Variants in OR7D4 observed in about 807,000 individuals in gnomAD.
OR7D4 encodes olfactory receptor family 7 subfamily D member 4, also known as olfactory receptor 7D4.
For missense variants in OR7D4, 319 were observed against 377.1 expected, an observed-to-expected ratio of 0.85 and a Z score of 1.27; for synonymous variants, 154 against 158.4, an observed-to-expected ratio of 0.97 and a Z score of 0.21.
rs1034179531 is a variant in OR7D4 at position 9,210,638 on chromosome 19, G to C, written c.*3261C>G. The C allele has an allele frequency of 6.6e-6, 1 of 151,682 alleles. No homozygotes were observed. The highest frequency in any genetic ancestry group is 2.4e-5 in the African/African-American group (1 of 41,144). The allele number at this position is 151,682 out of a possible 1,614,324, so 9.4% of individuals were successfully genotyped here. Reference sequence around the variant, plus strand: ...AACCTATTTTATCTACTTGAATAAAGACAGGCCAAAAGAAAGTACATTTCA... The same window carrying C: ...AACCTATTTTATCTACTTGAATAAACACAGGCCAAAAGAAAGTACATTTCA... On this transcript the variant is annotated 3_prime_UTR_variant, in exon 2 of 2. Coordinates refer to ENST00000641669, the MANE Select transcript of OR7D4 (RefSeq NM_001005191.3).
chr19:9,213,993 G>T lies in OR7D4; in HGVS notation c.845C>A (p.Thr282Asn). Residue 282 changes from threonine (T) to asparagine (N), a missense_variant, in exon 2 of 2, where the codon ACC becomes AAC. Physicochemically the swap from Thr to Asn is moderately conservative, Grantham distance 65. Transcript: ENST00000641669. ...STASVMYAMV[T>N]PMLNPFIYSL... ...GTAGATGAAGGGGTTCAGCATGGGG[G>T]TGACCATGGCGTACATCACTGAGGC... 1 of 1,614,108 alleles carries T rather than the reference G, an allele frequency of 6.2e-7. No individual in the cohort carries two copies. The highest frequency in any genetic ancestry group is 8.5e-7 in the Non-Finnish European group (1 of 1,180,000).
At chr19:9,218,272 C>T (rs1002761752) in intron 1 of OR7D4, among the ~76,000 whole-genome samples, 8 of 151,912 alleles carry the variant, frequency 5.3e-5, no homozygotes, top group African/African-American at 1.9e-4. Context: ...CAGTAAATAA[C>T]ATATTCATAT....
rs2051172157 is a variant in OR7D4, at chr19:9,211,475, A to C, written c.*2424T>G. ...AAAAACATAAATTACCAATGCATAAAATCTCAAATTACAGGCAAGGAGTAT... is the reference window on the plus strand; with the variant it reads ...AAAAACATAAATTACCAATGCATAACATCTCAAATTACAGGCAAGGAGTAT... On this transcript the variant is annotated 3_prime_UTR_variant, in exon 2 of 2. Coordinates refer to ENST00000641669, the MANE Select transcript of OR7D4 (RefSeq NM_001005191.3). 1 of 152,246 alleles carries C rather than the reference A, an allele frequency of 6.6e-6. No homozygotes were observed. The highest frequency in any genetic ancestry group is 6.5e-5 in the Admixed American group (1 of 15,278). 9.4% of individuals were successfully genotyped at this position (152,246 alleles called of 1,614,324 possible).
chr19:9,216,847 C>T (rs145810437), intron 1 of OR7D4, among the ~76,000 whole-genome samples: 7,426 of 152,276 alleles, frequency 0.049, 631 homozygotes, highest in African/African-American at 0.17. Flanking sequence ...CCACCTTGGC[C>T]TCCCAATGTG....
At chr19:9,218,886 G>A (rs912097786) in intron 1 of OR7D4, among the ~76,000 whole-genome samples, 25 of 151,908 alleles carry the variant, frequency 1.6e-4, no homozygotes, top group African/African-American at 3.6e-4. Context: ...TGCCCGCCTC[G>A]GCCTCCCAAA....
chr19:9,213,871 G>T lies in OR7D4; in HGVS notation c.*28C>A. ...CATTTGCCTTAGGGGTACGCAGTGT[G>T]TCCTCTTAGTTCTGAGGCCCTGATT... is the stretch of plus-strand genomic sequence containing the variant. On this transcript the variant is annotated 3_prime_UTR_variant, in exon 2 of 2. Coordinates refer to ENST00000641669, the MANE Select transcript of OR7D4 (RefSeq NM_001005191.3). 1.3e-6 allele frequency: 2 copies of T among 1,524,002 alleles called. No individual in the cohort carries two copies. The highest frequency in any genetic ancestry group is 1.1e-5 in the South Asian group (1 of 88,632). The allele number at this position is 1,524,002 out of a possible 1,614,324, so 94.4% of individuals were successfully genotyped here.
Position 9,212,915 on chromosome 19 carries a change from G to A in OR7D4, c.*984C>T, listed in dbSNP as rs768137570. The A allele has an allele frequency of 7.2e-5, 11 of 152,076 alleles. No individual in the cohort carries two copies. Among genetic ancestry groups the A allele is most frequent in the East Asian group, 3.9e-4 (2 of 5,178 alleles). 9.4% of individuals were successfully genotyped at this position (152,076 alleles called of 1,614,324 possible). On this transcript the variant is annotated 3_prime_UTR_variant, in exon 2 of 2. Transcript: ENST00000641669. ...AGACAGGTGTGAGCCACTGTGCCCC[G>A]AAAATTTTATATCACTGTTTTTATG...
In OR7D4 at chr19:9,211,846, T is replaced by G. The variant is rs2051174925; in HGVS notation, c.*2053A>C. 1 of 150,574 alleles carries G rather than the reference T, an allele frequency of 6.6e-6. No homozygotes were observed. The highest frequency in any genetic ancestry group is 1.5e-5 in the Non-Finnish European group (1 of 67,614). 9.3% of individuals were successfully genotyped at this position (150,574 alleles called of 1,614,324 possible). On this transcript the variant is annotated 3_prime_UTR_variant, in exon 2 of 2. Transcript: ENST00000641669. ...AAGGCCTGCTTCTTCTTTATTTACATGGTTCATTCAATGGATTTGCAGATA... is the reference window on the plus strand; with the variant it reads ...AAGGCCTGCTTCTTCTTTATTTACAGGGTTCATTCAATGGATTTGCAGATA...
At position 9,216,369 on chromosome 19, in the gene OR7D4, G is replaced by A. The variant is rs560258657; in HGVS notation, c.-13-1519C>T. 2.0e-5 allele frequency among the ~76,000 whole-genome samples: 3 copies of A among 152,236 alleles called. No homozygotes were observed. The South Asian group carries it at 6.2e-4, about 32-fold the overall frequency. On this transcript the variant is annotated intron_variant, in intron 1 of 1. Coordinates refer to ENST00000641669, the MANE Select transcript of OR7D4 (RefSeq NM_001005191.3). ...TGACCTGCCTCTGGTTCACTGTGTA[G>A]GGACACAGCCAAACTATGTGAATCC... is the stretch of plus-strand genomic sequence containing the variant.
chr19:9,214,951 C>G, intron 1 of OR7D4, 101 bp from the exon 2 acceptor site: 1 of 631,988 alleles, frequency 1.6e-6, no homozygotes, highest in South Asian at 1.9e-5. Context: ...ATTTGTCACC[C>G]TTCCTGGAGT....
chr19:9,217,725 G>C (rs1160934442), intron 1 of OR7D4, among the ~76,000 whole-genome samples: 1 of 152,116 alleles, frequency 6.6e-6, no homozygotes, highest in Non-Finnish European at 1.5e-5. Flanking sequence ...TTTTAGTAGA[G>C]ACAGGGTTTC....
Position 9,214,663 on chromosome 19 carries a change from TG to T in OR7D4, c.174del (p.Met59CysfsTer24). 2 of 1,613,832 alleles carry T rather than the reference TG, an allele frequency of 1.2e-6. No homozygotes were observed. Among genetic ancestry groups the T allele is most frequent in the Non-Finnish European group, 1.7e-6 (2 of 1,179,930 alleles). On this transcript the variant is annotated frameshift_variant, in exon 2 of 2. Transcript: ENST00000641669. LOFTEE classifies it low-confidence loss of function (END_TRUNC). ...GACAGGTTGGAGAGGAAGAAGTACATGGGGGTGTGGAGGTGGGAGTCAGAGC... is the reference window on the plus strand; with the variant it reads ...GACAGGTTGGAGAGGAAGAAGTACATGGGGTGTGGAGGTGGGAGTCAGAGC... ...AVSSDSHLHT[P>X]MYFFLSNLSF...
chr19:9,213,900 C>G lies in OR7D4; in HGVS notation c.938G>C (p.Ter313SerextTer15). 6.2e-7 allele frequency: 1 copy of G among 1,612,054 alleles called. No individual in the cohort carries two copies. Among genetic ancestry groups the G allele is most frequent in the Non-Finnish European group, 8.5e-7 (1 of 1,178,452 alleles). ...RLLSRADSCP* is the reference protein window; with the variant it reads ...RLLSRADSCPS ...TCTTAGTTCTGAGGCCCTGATTTGT[C>G]ATGGACAAGAGTCGGCCCTGCTGAG... is the stretch of plus-strand genomic sequence containing the variant. The change falls in exon 2 of 2, where the codon TGA (stop) becomes TCA (serine). Residue 313 changes from the stop codon to serine (S), a stop_lost. Transcript: ENST00000641669.
chr19:9,216,220 C>A (rs1049938103), intron 1 of OR7D4, among the ~76,000 whole-genome samples: 1 of 152,212 alleles, frequency 6.6e-6, no homozygotes, highest in South Asian at 2.1e-4. Context: ...ATCATGAACT[C>A]CTGCCTCTGT....
Position 9,211,723 on chromosome 19 carries a change from A to G in OR7D4, c.*2176T>C, listed in dbSNP as rs1246121702. 1.4e-5 allele frequency: 2 copies of G among 147,216 alleles called. No individual in the cohort carries two copies. The highest frequency in any genetic ancestry group is 1.4e-4 in the Admixed American group (2 of 14,610). 9.1% of individuals were successfully genotyped at this position (147,216 alleles called of 1,614,324 possible). On this transcript the variant is annotated 3_prime_UTR_variant, in exon 2 of 2. Transcript: ENST00000641669. The stretch of plus-strand genomic sequence containing the variant: ...GCCGGGCATGGTGGCGTGCGCCTGT[A>G]ATCCCAGCGCCACTGTGCTCTAGCC...
In OR7D4 at chr19:9,214,370, G is replaced by A. The variant is rs1187429205; in HGVS notation, c.468C>T (p.Ser156=). 33 of 1,614,090 alleles carry A rather than the reference G, an allele frequency of 2.0e-5. No homozygotes were observed. The highest frequency in any genetic ancestry group is 2.8e-5 in the Non-Finnish European group (33 of 1,180,018). ...LASWFIIFWF[S]LVHILLMKRL... ...TCTTCATCAGTAGAATATGAACCAGGGAGAACCAGAAAATGATGAACCAAG... is the reference window on the plus strand; with the variant it reads ...TCTTCATCAGTAGAATATGAACCAGAGAGAACCAGAAAATGATGAACCAAG... The change falls in exon 2 of 2, where the codon TCC becomes TCT. Residue 156 remains serine (S), a synonymous_variant. Coordinates refer to ENST00000641669, the MANE Select transcript of OR7D4 (RefSeq NM_001005191.3).
Position 9,212,663 on chromosome 19 carries a change from A to G in OR7D4, c.*1236T>C, listed in dbSNP as rs1249182370. The G allele has an allele frequency of 2.0e-5, 3 of 152,200 alleles. No individual in the cohort carries two copies. Among genetic ancestry groups the G allele is most frequent in the African/African-American group, 7.2e-5 (3 of 41,450 alleles). The allele number at this position is 152,200 out of a possible 1,614,324, so 9.4% of individuals were successfully genotyped here. On this transcript the variant is annotated 3_prime_UTR_variant, in exon 2 of 2. Transcript: ENST00000641669. The stretch of plus-strand genomic sequence containing the variant: ...ATAGCATGTCAGACTCATTCTGGCC[A>G]GTATATTACTAGGAACCATTTGACC...
intron 1 of OR7D4, among the ~76,000 whole-genome samples, chr19:9,218,686 G>T (rs2051235303): frequency 6.6e-6 from 1 of 152,164 alleles, no homozygotes; most frequent in African/African-American, 2.4e-5. Flanking sequence ...CTGGAGTGCG[G>T]GGTGCAGTCT....
Position 9,212,534 on chromosome 19 carries a change from T to G in OR7D4, c.*1365A>C, listed in dbSNP as rs1237595880. On this transcript the variant is annotated 3_prime_UTR_variant, in exon 2 of 2. Coordinates refer to ENST00000641669, the MANE Select transcript of OR7D4 (RefSeq NM_001005191.3). ...CGGAAATCAAGAGTTGGAACAAGAT[T>G]GGCCCTGCCTAACATCACCTGTAGT... is the stretch of plus-strand genomic sequence containing the variant. 1 of 152,176 alleles carries G rather than the reference T, an allele frequency of 6.6e-6. No individual in the cohort carries two copies. The highest frequency in any genetic ancestry group is 2.4e-5 in the African/African-American group (1 of 41,442). 9.4% of individuals were successfully genotyped at this position (152,176 alleles called of 1,614,324 possible).
Sources: allele counts gnomAD v4.1 joint callset (sites outside exome capture counted in the v4.1 genomes callset), GRCh38; gene constraint gnomAD v4.1.1; transcripts MANE v1.5; gene names NCBI Gene and HGNC (gene_info 2026-07-23, HGNC 2026-07-21).